GPR22: variants seen among roughly 807,000 people sequenced by gnomAD.
GPR22 encodes G-protein coupled receptor 22.
In GPR22, 13 loss-of-function variants were observed where a neutral mutation model predicts 31.0. The ratio of observed to expected loss-of-function variants is 0.42; its 90% confidence interval spans 0.27 to 0.67. The LOEUF is 0.67. Ranked by LOEUF, GPR22 falls within the 30% of genes least tolerant of loss-of-function variation. The pLI is 0.25. For missense variants in GPR22, 368 were observed against 509.6 expected (o/e 0.72, Z 2.67); for synonymous variants, 191 against 173.4 (o/e 1.10, Z -0.80).
rs1796653849 is a variant in GPR22, at chr7:107,471,861, A to G, written c.-468A>G. On this transcript the variant is annotated 5_prime_UTR_variant, in exon 2 of 3. Transcript: ENST00000304402. Reference sequence around the variant, plus strand: ...AATTATGTATCCTCTTCTAATGAAAACAAACAAAATTAAACAGCAGATGGT... The same window carrying G: ...AATTATGTATCCTCTTCTAATGAAAGCAAACAAAATTAAACAGCAGATGGT... 6.6e-6 allele frequency: 1 copy of G among 151,994 alleles called. No individual in the cohort carries two copies. The allele number at this position is 151,994 out of a possible 1,614,324, so 9.4% of individuals were successfully genotyped here.
In GPR22 at chr7:107,474,118, C is replaced by A; in HGVS notation, c.58C>A (p.Arg20=). The change falls in exon 3 of 3, where the codon CGA becomes AGA. Residue 20 remains arginine (R), a synonymous_variant. Coordinates refer to ENST00000304402, the MANE Select transcript of GPR22 (RefSeq NM_005295.3). This position sits in a 1 kb window ranked among gnomAD's most constrained non-coding sequence, Gnocchi z 5.7. ...NMQSESNITV[R]DDIDDINTNM... ...GCAGTCTGAATCTAACATTACAGTGCGAGATGACATTGATGACATCAACAC... is the reference window on the plus strand; with the variant it reads ...GCAGTCTGAATCTAACATTACAGTGAGAGATGACATTGATGACATCAACAC... The A allele has an allele frequency of 6.2e-7, 1 of 1,606,998 alleles. No individual in the cohort carries two copies. Among genetic ancestry groups the A allele is most frequent in the Non-Finnish European group, 8.5e-7 (1 of 1,174,930 alleles).
Position 107,474,501 on chromosome 7 carries a change from T to C in GPR22, c.441T>C (p.Pro147=). The change falls in exon 3 of 3, where the codon CCT becomes CCC. Residue 147 remains proline, a synonymous_variant. Coordinates refer to ENST00000304402, the MANE Select transcript of GPR22 (RefSeq NM_005295.3). The surrounding 1 kb of genome is among the most constrained non-coding windows in gnomAD (Gnocchi z 5.7). ...TLDRYDISVK[P]ANRILTMGRA... Reference sequence around the variant, plus strand: ...ACAGATATGACATCTCTGTAAAACCTGCAAACCGAATTCTGACAATGGGCA... The same window carrying C: ...ACAGATATGACATCTCTGTAAAACCCGCAAACCGAATTCTGACAATGGGCA... The C allele has an allele frequency of 6.2e-7, 1 of 1,613,208 alleles. No individual in the cohort carries two copies. The highest frequency in any genetic ancestry group is 8.5e-7 in the Non-Finnish European group (1 of 1,179,436).
chr7:107,473,240 T>A (rs1376236482), intron 2 of GPR22, among the ~76,000 whole-genome samples: 3 of 151,932 alleles, frequency 2.0e-5, no homozygotes, highest in Non-Finnish European at 4.4e-5. Flanking sequence ...TGATATTAAA[T>A]TTCAATTTTC....
At position 107,474,714 on chromosome 7, in the gene GPR22, A is replaced by G; in HGVS notation, c.654A>G (p.Pro218=). 1 of 1,611,502 alleles carries G rather than the reference A, an allele frequency of 6.2e-7. No individual in the cohort carries two copies. The highest frequency in any genetic ancestry group is 1.7e-5 in the Admixed American group (1 of 59,678). The change falls in exon 3 of 3, where the codon CCA becomes CCG. Residue 218 remains proline, a synonymous_variant. Coordinates refer to ENST00000304402, the MANE Select transcript of GPR22 (RefSeq NM_005295.3). This position sits in a 1 kb window ranked among gnomAD's most constrained non-coding sequence, Gnocchi z 5.7. ...ATTATCACCTGTTAGTACAGATCCC[A>G]ATATTCTTTTTCACTGTTGTAGTAA... ...GMYYHLLVQI[P]IFFFTVVVML... is the part of the protein sequence containing the mutation.
chr7:107,476,183 T>TAAAAAAAAAAAAAAAAAAAA (rs1563056700), downstream of GPR22, among the ~76,000 whole-genome samples: 230 of 86,162 alleles, frequency 2.7e-3, 7 homozygotes, highest in Middle Eastern at 6.3e-3. Context: ...TGCAATGATT[T>TAAAAAAAAAAAAAAAAAAAA]TAAAAAAAAA....
chr7:107,477,480 A>G (rs189978218), downstream of GPR22, among the ~76,000 whole-genome samples: 14 of 151,878 alleles, frequency 9.2e-5, no homozygotes, highest in East Asian at 2.7e-3. Flanking sequence ...GTCCTCTGTA[A>G]TAAGAAATTA....
downstream of GPR22, among the ~76,000 whole-genome samples, chr7:107,476,755 A>C (rs1453181396): frequency 6.6e-6 from 1 of 151,730 alleles, no homozygotes; most frequent in Admixed American, 6.6e-5. Flanking sequence ...CTATTTTCTG[A>C]AACTGTATCC....
chr7:107,473,913 A>G, intron 2 of GPR22, 122 bp from the exon 3 acceptor site: 1 of 513,656 alleles, frequency 1.9e-6, no homozygotes, highest in East Asian at 3.0e-5. Flanking sequence ...TTCTATTAAT[A>G]GTTTACAAAC....
chr7:107,473,873 T>C (rs1796804696), intron 2 of GPR22, among the ~76,000 whole-genome samples, 162 bp from the exon 3 acceptor site: 1 of 151,968 alleles, frequency 6.6e-6, no homozygotes, highest in East Asian at 1.9e-4. Flanking sequence ...ATCAAAACAA[T>C]GCAAACTTGA....
chr7:107,476,373 T>G (rs1157915081), downstream of GPR22, among the ~76,000 whole-genome samples: 1 of 151,284 alleles, frequency 6.6e-6, no homozygotes, highest in Non-Finnish European at 1.5e-5. Flanking sequence ...ACATACAACT[T>G]TAGGGTAATA....
Position 107,474,170 on chromosome 7 carries a change from C to T in GPR22, c.110C>T (p.Pro37Leu), listed in dbSNP as rs931689670. The change falls in exon 3 of 3, where the codon CCG becomes CTG. Residue 37 changes from proline (P) to leucine (L), a missense_variant. Coordinates refer to ENST00000304402, the MANE Select transcript of GPR22 (RefSeq NM_005295.3). This position sits in a 1 kb window ranked among gnomAD's most constrained non-coding sequence, Gnocchi z 5.7. Reference sequence around the variant, plus strand: ...AATATGTACCAACCACTATCATATCCGTTAAGCTTTCAAGTGTCTCTCACC... The same window carrying T: ...AATATGTACCAACCACTATCATATCTGTTAAGCTTTCAAGTGTCTCTCACC... ...NTNMYQPLSY[P>L]LSFQVSLTGF... 3.7e-6 allele frequency: 6 copies of T among 1,611,626 alleles called. No homozygotes were observed. Among genetic ancestry groups the T allele is most frequent in the Non-Finnish European group, 5.1e-6 (6 of 1,178,134 alleles).
Position 107,475,072 on chromosome 7 carries a change from T to A in GPR22, c.1012T>A (p.Cys338Ser), listed in dbSNP as rs1199679229. 1.9e-6 allele frequency: 3 copies of A among 1,613,058 alleles called. No individual in the cohort carries two copies. ...TTCTGTTTTAAATACCACCATTTTA[T>A]GTTTAGGCCCAAGTGACCTTTTAGT... ...PISVLNTTIL[C>S]LGPSDLLVKL... The change falls in exon 3 of 3, where the codon TGT becomes AGT. Residue 338 changes from cysteine to serine, a missense_variant. Physicochemically the swap from Cys to Ser is moderately radical, Grantham distance 112. Coordinates refer to ENST00000304402, the MANE Select transcript of GPR22 (RefSeq NM_005295.3).
chr7:107,477,248 A>T (rs1382073546), downstream of GPR22, among the ~76,000 whole-genome samples: 1 of 151,738 alleles, frequency 6.6e-6, no homozygotes, highest in African/African-American at 2.4e-5. Flanking sequence ...TTAAGAATTT[A>T]AAAAATGAAT....
intron 1 of GPR22, among the ~76,000 whole-genome samples, chr7:107,470,914 G>A (rs1400314810): frequency 6.6e-6 from 1 of 151,764 alleles, no homozygotes; most frequent in Non-Finnish European, 1.5e-5. Context: ...GAAATTTATA[G>A]TATCTTATGA....
At chr7:107,473,986 T>C (rs1188923811) in intron 2 of GPR22, 49 bp from the exon 3 acceptor site, 2 of 720,472 alleles carry the variant, frequency 2.8e-6, no homozygotes, top group East Asian at 2.6e-5. Context: ...ACGTTATACG[T>C]CATTTAAATT....
At chr7:107,476,518 T>C (rs115909018), downstream of GPR22, among the ~76,000 whole-genome samples, 9 of 151,754 alleles carry the variant, frequency 5.9e-5, no homozygotes, top group African/African-American at 1.9e-4. Flanking sequence ...AATTTAACTT[T>C]AGGCATTTTT....
In GPR22 at chr7:107,471,470, T is replaced by G. The variant is rs998412544; in HGVS notation, c.-859T>G. The G allele has an allele frequency of 3.2e-4, 49 of 152,184 alleles. No homozygotes were observed. The highest frequency in any genetic ancestry group is 1.2e-3 in the African/African-American group (48 of 41,562). The allele number at this position is 152,184 out of a possible 1,614,324, so 9.4% of individuals were successfully genotyped here. ...GTCTGAACTACGAACTGCAAGATGT[T>G]CTTGTAACACGACTTTAAGACATTA... On this transcript the variant is annotated 5_prime_UTR_variant, in exon 2 of 3. Transcript: ENST00000304402.
chr7:107,471,087 T>C (rs1301448271), intron 1 of GPR22, among the ~76,000 whole-genome samples: 1 of 152,052 alleles, frequency 6.6e-6, no homozygotes, highest in Non-Finnish European at 1.5e-5. Context: ...GGTTAGCTTC[T>C]AAAATGAGAG....
In GPR22 at chr7:107,474,059, G is replaced by C; in HGVS notation, c.-2G>C. 6.6e-7 allele frequency: 1 copy of C among 1,516,842 alleles called. No individual in the cohort carries two copies. The highest frequency in any genetic ancestry group is 8.9e-7 in the Non-Finnish European group (1 of 1,117,828). The allele number at this position is 1,516,842 out of a possible 1,614,324, so 94.0% of individuals were successfully genotyped here. A position where few individuals can be genotyped will look rare whatever the true frequency, so the allele number is the denominator to read the frequency against. ...GGGAAAAAAACCAACTGCTCCAAAA[G>C]AATGTGTTTTTCTCCCATTCTGGAA... On this transcript the variant is annotated 5_prime_UTR_variant, in exon 3 of 3. Coordinates refer to ENST00000304402, the MANE Select transcript of GPR22 (RefSeq NM_005295.3). This position sits in a 1 kb window ranked among gnomAD's most constrained non-coding sequence, Gnocchi z 5.7.
Sources: gnomAD v4.1 joint callset for allele counts (sites outside exome capture counted in the v4.1 genomes callset) on GRCh38, gnomAD v4.1.1 for gene constraint, Gnocchi (gnomAD v3.1) non-coding constraint, MANE v1.5 for transcripts, NCBI Gene and HGNC (gene_info 2026-07-23, HGNC 2026-07-21) for gene names.